Variants in DST observed in about 807,000 individuals in gnomAD.
DST encodes the protein bullous pemphigoid antigen.
A neutral mutation model predicts 875.2 loss-of-function variants in DST; 253 were observed. The ratio of observed to expected loss-of-function variants is 0.29; its 90% CI spans 0.26 to 0.32. The LOEUF is 0.32. Ranked by LOEUF, DST falls within the 10% of genes least tolerant of loss-of-function variation. The pLI is 1.00. For missense variants in DST, 8,287 were observed against 9,111.6 expected (o/e 0.91, Z 3.68); for synonymous variants, 3,124 against 3,197.1 (o/e 0.98, Z 0.77).
At chr6:56,792,584 C>G (rs1159587979) in intron 4 of DST, among the ~76,000 whole-genome samples, 1 of 152,054 alleles carries the variant, frequency 6.6e-6, no homozygotes, top group African/African-American at 2.4e-5. Flanking sequence ...CACAGGGGTA[C>G]ACCACCACAC....
chr6:56,640,692 T>A, intron 17 of DST, 87 bp from the exon 18 acceptor site: 1 of 1,057,960 alleles, frequency 9.5e-7, no homozygotes, highest in Non-Finnish European at 1.4e-6. Flanking sequence ...AGGTTTTAGT[T>A]AATAATGATG....
At chr6:56,865,944 G>C (rs140442489) in intron 3 of DST, among the ~76,000 whole-genome samples, 243 of 152,074 alleles carry the variant, frequency 1.6e-3, no homozygotes, top group African/African-American at 5.6e-3. Flanking sequence ...AGTACATATA[G>C]GCATTCAATA....
At chr6:56,628,635 T>A (rs908853213) in intron 32 of DST, among the ~76,000 whole-genome samples, 1 of 152,206 alleles carries the variant, frequency 6.6e-6, no homozygotes, top group Non-Finnish European at 1.5e-5. Flanking sequence ...AACCTATGTA[T>A]CATATTTGTT....
In DST at chr6:56,604,334, C is replaced by T; in HGVS notation, c.10294G>A (p.Asp3432Asn). 6.2e-7 allele frequency: 1 copy of T among 1,612,380 alleles called. No homozygotes were observed. The highest frequency in any genetic ancestry group is 8.5e-7 in the Non-Finnish European group (1 of 1,179,050). Reference protein sequence around the residue: ...NSSELKPESRDDPFCIGNLKS... With the variant: ...NSSELKPESRNDPFCIGNLKS... ...AGATTTCCAATACAGAAAGGATCAT[C>T]TCTACTTTCTGGCTTTAGTTCTGAT... Residue 3432 changes from aspartate to asparagine, a missense_variant, in exon 40 of 104, where the codon GAT (aspartate) becomes AAT (asparagine). Transcript: ENST00000680361.
chr6:56,843,332 A>C, intron 4 of DST: 1 of 1,218,452 alleles, frequency 8.2e-7, no homozygotes, highest in Non-Finnish European at 1.0e-6. Flanking sequence ...CAGGGCCGGC[A>C]AAGGAAACGC....
chr6:56,876,164 C>T (rs1779555241), intron 3 of DST, among the ~76,000 whole-genome samples: 1 of 152,154 alleles, frequency 6.6e-6, no homozygotes, highest in Admixed American at 6.5e-5. Flanking sequence ...CCTCTGGTCA[C>T]ACTCCCTCAT....
chr6:56,938,040 C>T (rs150404344), intron 2 of DST, among the ~76,000 whole-genome samples: 7 of 150,222 alleles, frequency 4.7e-5, no homozygotes, highest in African/African-American at 1.5e-4. Context: ...TTGGGGATGA[C>T]GAAAAATATT....
At chr6:56,707,004 C>CA (rs1305096423) in intron 5 of DST, among the ~76,000 whole-genome samples, 2 of 152,214 alleles carry the variant, frequency 1.3e-5, no homozygotes, top group African/African-American at 2.4e-5. Context: ...GATTCTGTCT[C>CA]AAAAAACAAA....
At chr6:56,564,778 T>C (rs1056500686) in intron 55 of DST, among the ~76,000 whole-genome samples, 1 of 152,204 alleles carries the variant, frequency 6.6e-6, no homozygotes, top group South Asian at 2.1e-4. Flanking sequence ...GTTTTTAGCA[T>C]GGAGGGTTGA....
chr6:56,589,391 T>C (rs961165756), intron 49 of DST, among the ~76,000 whole-genome samples: 4 of 152,098 alleles, frequency 2.6e-5, no homozygotes, highest in Non-Finnish European at 4.4e-5. Context: ...AGTGCTATTT[T>C]GGAAAAAAAA....
chr6:56,870,870 T>A (rs558213145), intron 3 of DST, among the ~76,000 whole-genome samples: 14 of 151,984 alleles, frequency 9.2e-5, no homozygotes, highest in Admixed American at 2.6e-4. Context: ...AAAATAAACA[T>A]ATTTTATATA....
intron 15 of DST, chr6:56,643,013 G>T: frequency 8.9e-7 from 1 of 1,125,882 alleles, no homozygotes; most frequent in Non-Finnish European, 1.2e-6. Context: ...GCTAGCTGAG[G>T]TTTGCCTTTT....
rs2097588455 is a variant in DST, at chr6:56,563,797, T to C, written c.14006-1597A>G. 1.3e-5 allele frequency among the ~76,000 whole-genome samples: 2 copies of C among 152,230 alleles called. 1 individual carries two copies. The highest frequency in any genetic ancestry group is 4.1e-4 in the South Asian group (2 of 4,838). ...GGGTCCAGTTTCAGTTTTCTGCATA[T>C]GGCTAGCTAGTTTTCCCAACATCAT... is the stretch of plus-strand genomic sequence containing the variant. On this transcript the variant is annotated intron_variant, in intron 55 of 103. Transcript: ENST00000680361.
chr6:56,905,415 T>C (rs1274935679), intron 2 of DST, among the ~76,000 whole-genome samples: 5 of 152,160 alleles, frequency 3.3e-5, no homozygotes, highest in African/African-American at 1.2e-4. Flanking sequence ...TTCCTATCTC[T>C]CCTTCCCTCC....
At position 56,482,059 on chromosome 6, in the gene DST, A is replaced by G. The variant is rs553811609; in HGVS notation, c.21522T>C (p.Asp7174=). ...DDEDALRTLI[D]QHKEFMKKLE... ...TTTATATATTACTCACTTTATGCTG[A>G]TCAATGAGAGTCCGGAGAGCATCCT... Residue 7174 remains aspartate, a synonymous_variant, in exon 90 of 104, where the codon GAT becomes GAC. Coordinates refer to ENST00000680361, the MANE Select transcript of DST (RefSeq NM_001374736.1). 1.2e-6 allele frequency: 2 copies of G among 1,613,716 alleles called. No individual in the cohort carries two copies. Among genetic ancestry groups the G allele is most frequent in the East Asian group, 4.5e-5 (2 of 44,854 alleles).
At chr6:56,525,321 T>C (rs1369870439) in intron 69 of DST, among the ~76,000 whole-genome samples, 5 of 152,204 alleles carry the variant, frequency 3.3e-5, no homozygotes, top group Admixed American at 2.0e-4. Context: ...CAAACTCCTC[T>C]GTTTAAACAG....
At chr6:56,884,730 A>G (rs1004082642) in intron 3 of DST, among the ~76,000 whole-genome samples, 24 of 148,188 alleles carry the variant, frequency 1.6e-4, no homozygotes, top group African/African-American at 5.9e-4. Context: ...TGCCAAGCTC[A>G]TTTTTTTTTT....
intron 5 of DST, among the ~76,000 whole-genome samples, chr6:56,712,312 T>C (rs1223147816): frequency 1.3e-5 from 2 of 152,096 alleles, no homozygotes; most frequent in African/African-American, 4.8e-5. Flanking sequence ...AACACCAGCA[T>C]AAGGAAAAGA....
chr6:56,869,505 G>A (rs571074586), intron 3 of DST, among the ~76,000 whole-genome samples: 1 of 151,842 alleles, frequency 6.6e-6, no homozygotes, highest in South Asian at 2.1e-4. Flanking sequence ...TAAAGCCAGG[G>A]AAGCATGAAC....
Sources: gnomAD v4.1 joint callset for allele counts (sites outside exome capture counted in the v4.1 genomes callset) on GRCh38, gnomAD v4.1.1 for gene constraint, MANE v1.5 for transcripts, NCBI Gene and HGNC (gene_info 2026-07-23, HGNC 2026-07-21) for gene names.